The following STPG2 variants were observed in gnomAD, a reference collection of about 807,000 sequenced individuals.
STPG2 encodes sperm tail PG-rich repeat containing 2.
STPG2 carries 56 observed loss-of-function variants against 54.2 expected under a neutral mutation model. The ratio of observed to expected loss-of-function variants is 1.03; its 90% CI spans 0.83 to 1.29. The LOEUF is 1.29. Among genes scored for constraint, STPG2 ranks in the 50% most tolerant of loss-of-function variants. STPG2 has a pLI of 0.00. For missense variants in STPG2, 596 were observed against 544.9 expected (o/e 1.09, Z -0.93); for synonymous variants, 200 against 181.8 (o/e 1.10, Z -0.81).
At chr4:97,852,177 G>A (rs555362443) in intron 8 of STPG2, among the ~76,000 whole-genome samples, 4 of 152,132 alleles carry the variant, frequency 2.6e-5, no homozygotes, top group Non-Finnish European at 5.9e-5. Flanking sequence ...AATTTAAATA[G>A]CAGAGTTAGG....
At chr4:97,609,184 C>T (rs1379806819) in intron 10 of STPG2, among the ~76,000 whole-genome samples, 1 of 151,954 alleles carries the variant, frequency 6.6e-6, no homozygotes, top group Admixed American at 6.6e-5. Context: ...AATATTGTTG[C>T]TGATTAAGTT....
chr4:98,013,350 A>C (rs1220364413), intron 5 of STPG2, among the ~76,000 whole-genome samples: 2 of 152,176 alleles, frequency 1.3e-5, no homozygotes, highest in Admixed American at 6.5e-5. Flanking sequence ...TCAGTTTGCC[A>C]GCATTTTATT....
chr4:97,477,749 C>T (rs1730113234), intron 4 of STPG2, among the ~76,000 whole-genome samples: 1 of 151,964 alleles, frequency 6.6e-6, no homozygotes, highest in East Asian at 1.9e-4. Flanking sequence ...CTTGGCCTCC[C>T]AAAGTGCTGG....
At chr4:97,689,807 T>TA (rs1381427824) in intron 10 of STPG2, among the ~76,000 whole-genome samples, 1 of 152,064 alleles carries the variant, frequency 6.6e-6, no homozygotes, top group East Asian at 1.9e-4. Flanking sequence ...TCAGTTTTCA[T>TA]AAAAACAAAT....
intron 10 of STPG2, among the ~76,000 whole-genome samples, chr4:97,601,048 G>A (rs1206101630): frequency 6.6e-6 from 1 of 152,042 alleles, no homozygotes; most frequent in Admixed American, 6.6e-5. Context: ...AAGTGATTGG[G>A]ATAGGAGTGG....
chr4:98,120,560 C>A (rs1257990582), intron 3 of STPG2, among the ~76,000 whole-genome samples: 1 of 152,208 alleles, frequency 6.6e-6, no homozygotes, highest in Non-Finnish European at 1.5e-5. Flanking sequence ...TTCTCTGCAA[C>A]CTTGCCAGCA....
At chr4:98,108,697 T>C (rs1432154380) in intron 4 of STPG2, among the ~76,000 whole-genome samples, 1 of 152,196 alleles carries the variant, frequency 6.6e-6, no homozygotes, top group East Asian at 1.9e-4. Flanking sequence ...TAACTTTAGC[T>C]CTGCCATTTA....
intron 10 of STPG2, among the ~76,000 whole-genome samples, chr4:97,648,243 T>A (rs1721967953): frequency 6.6e-6 from 1 of 152,100 alleles, no homozygotes; most frequent in African/African-American, 2.4e-5. Flanking sequence ...ATCAGTCCTA[T>A]CTAGATGAAG....
At chr4:97,510,792 G>A (rs982628588) in intron 4 of STPG2, among the ~76,000 whole-genome samples, 1 of 152,084 alleles carries the variant, frequency 6.6e-6, no homozygotes, top group East Asian at 1.9e-4. Context: ...GGGAAGAATC[G>A]ATAATATATA....
intron 7 of STPG2, among the ~76,000 whole-genome samples, chr4:97,954,059 T>A (rs1733575357): frequency 6.6e-6 from 1 of 152,186 alleles, no homozygotes; most frequent in South Asian, 2.1e-4. Context: ...TTTGCAGTTT[T>A]TAGTACTTAG....
At chr4:97,453,283 G>A (rs970969214) in intron 4 of STPG2, among the ~76,000 whole-genome samples, 1 of 152,184 alleles carries the variant, frequency 6.6e-6, no homozygotes, top group Admixed American at 6.5e-5. Flanking sequence ...GTCGGCACTG[G>A]AGCTGCCCAC....
intron 9 of STPG2, among the ~76,000 whole-genome samples, chr4:97,792,342 A>G (rs1273342433): frequency 6.6e-6 from 1 of 152,164 alleles, no homozygotes; most frequent in Non-Finnish European, 1.5e-5. Flanking sequence ...CTAGGGAGAC[A>G]CTAAAACTTT....
At chr4:97,461,255 T>C (rs1352316123) in intron 4 of STPG2, among the ~76,000 whole-genome samples, 12 of 151,252 alleles carry the variant, frequency 7.9e-5, no homozygotes, top group South Asian at 2.1e-4. Flanking sequence ...CTCTTTCTCT[T>C]TATCTCTCTC....
intron 4 of STPG2, among the ~76,000 whole-genome samples, chr4:97,461,255 T>TTCTCTCTCTCTCTCTC (rs1301603913): frequency 1.6e-3 from 243 of 151,350 alleles, no homozygotes; most frequent in Non-Finnish European, 2.8e-3. Flanking sequence ...CTCTTTCTCT[T>TTCTCTCTCTCTCTCTC]TATCTCTCTC....
At chr4:97,889,190 T>C (rs1730681095) in intron 8 of STPG2, among the ~76,000 whole-genome samples, 1 of 152,170 alleles carries the variant, frequency 6.6e-6, no homozygotes, top group Admixed American at 6.5e-5. Flanking sequence ...TTTGCAAGCA[T>C]ACAGAGAAAA....
At chr4:97,471,332 T>A (rs1729922455) in intron 4 of STPG2, among the ~76,000 whole-genome samples, 1 of 152,182 alleles carries the variant, frequency 6.6e-6, no homozygotes, top group South Asian at 2.1e-4. Context: ...TACAATATAT[T>A]GATTATCACA....
intron 9 of STPG2, among the ~76,000 whole-genome samples, chr4:97,816,794 GTCTC>G (rs766426493): frequency 1.5e-5 from 2 of 136,142 alleles, no homozygotes; most frequent in East Asian, 2.1e-4. Flanking sequence ...CTCTCTTTCT[GTCTC>G]TCTCTCTTTC....
intron 8 of STPG2, among the ~76,000 whole-genome samples, chr4:97,845,272 T>A (rs1578615292): frequency 6.6e-6 from 1 of 152,160 alleles, no homozygotes; most frequent in East Asian, 1.9e-4. Flanking sequence ...TTGTTAATAA[T>A]GCAAACTGTT....
intron 10 of STPG2, among the ~76,000 whole-genome samples, chr4:97,682,977 G>T (rs1723078190): frequency 6.6e-6 from 1 of 151,820 alleles, no homozygotes; most frequent in South Asian, 2.1e-4. Flanking sequence ...TGCAGTTCCA[G>T]CTAACTGTTG....
Sources: allele counts gnomAD v4.1 joint callset (sites outside exome capture counted in the v4.1 genomes callset), GRCh38; gene constraint gnomAD v4.1.1; transcripts MANE v1.5; gene names NCBI Gene and HGNC (gene_info 2026-07-23, HGNC 2026-07-21).